The following PLXDC2 variants were observed in gnomAD, a reference collection of about 807,000 sequenced individuals.
PLXDC2 encodes the protein plexin domain containing 2, also known as plexin domain-containing protein 2.
A neutral mutation model predicts 68.9 loss-of-function variants in PLXDC2; 40 were observed. The ratio of observed to expected loss-of-function variants is 0.58; its 90% CI spans 0.45 to 0.76. The LOEUF is 0.76. Among genes scored for constraint, PLXDC2 ranks in the 30% least tolerant of loss-of-function variants. PLXDC2 has a pLI of 0.00. For missense variants in PLXDC2, 644 were observed against 661.9 expected (o/e 0.97, Z 0.30); for synonymous variants, 243 against 234.2 (o/e 1.04, Z -0.34).
intron 4 of PLXDC2, among the ~76,000 whole-genome samples, chr10:20,102,049 G>T (rs760510917): frequency 6.6e-6 from 1 of 151,912 alleles, no homozygotes; most frequent in Non-Finnish European, 1.5e-5. Flanking sequence ...TGATCCTCCC[G>T]CCTCGCCTAT....
intron 1 of PLXDC2, among the ~76,000 whole-genome samples, chr10:19,828,484 G>C (rs74119750): frequency 0.01 from 1,552 of 152,310 alleles, 28 homozygotes; most frequent in African/African-American, 0.036. Context: ...TCTGAAGTCA[G>C]GCTTGGTGAT....
chr10:20,087,140 C>T (rs577479704), intron 4 of PLXDC2, among the ~76,000 whole-genome samples: 4 of 152,328 alleles, frequency 2.6e-5, no homozygotes, highest in African/African-American at 9.6e-5. Flanking sequence ...AGTTCAAATG[C>T]ATGGCCTGTC....
intron 1 of PLXDC2, among the ~76,000 whole-genome samples, chr10:19,862,494 TA>T (rs1197911659): frequency 2.0e-5 from 3 of 152,196 alleles, no homozygotes; most frequent in African/African-American, 7.2e-5. Context: ...AGCGTTACAA[TA>T]AGATAACAGA....
At chr10:20,146,208 CAT>C (rs1834075000) in intron 5 of PLXDC2, among the ~76,000 whole-genome samples, 1 of 152,046 alleles carries the variant, frequency 6.6e-6, no homozygotes, top group East Asian at 1.9e-4. Flanking sequence ...GGGTTGTAGA[CAT>C]GTGTGAAGGA....
intron 2 of PLXDC2, among the ~76,000 whole-genome samples, chr10:20,029,592 T>G (rs1835465467): frequency 6.6e-6 from 1 of 152,114 alleles, no homozygotes; most frequent in African/African-American, 2.4e-5. Flanking sequence ...AAATAAAAAA[T>G]AAATAAATAA....
chr10:20,136,275 A>G (rs1007431693), intron 4 of PLXDC2, among the ~76,000 whole-genome samples: 2 of 152,240 alleles, frequency 1.3e-5, no homozygotes, highest in Non-Finnish European at 2.9e-5. Context: ...AGACAGTTAC[A>G]TTACCAAATA....
chr10:19,891,595 C>T (rs1477024217), intron 1 of PLXDC2, among the ~76,000 whole-genome samples: 1 of 152,200 alleles, frequency 6.6e-6, no homozygotes, highest in Admixed American at 6.5e-5. Flanking sequence ...TCTGCCTCCT[C>T]CTTAAAAGCT....
chr10:19,925,620 C>T (rs747828674), intron 1 of PLXDC2, among the ~76,000 whole-genome samples: 6 of 152,090 alleles, frequency 3.9e-5, no homozygotes, highest in Non-Finnish European at 8.8e-5. Flanking sequence ...CTATTGTTCT[C>T]ATATTGTGGG....
intron 13 of PLXDC2, among the ~76,000 whole-genome samples, chr10:20,279,227 C>G (rs995146935): frequency 1.3e-5 from 2 of 152,014 alleles, no homozygotes; most frequent in Non-Finnish European, 2.9e-5. Flanking sequence ...AGTCTGGTGC[C>G]TAATTGAAAA....
At chr10:20,239,217 AG>A (rs1419923254) in intron 12 of PLXDC2, among the ~76,000 whole-genome samples, 12 of 152,300 alleles carry the variant, frequency 7.9e-5, no homozygotes, top group South Asian at 2.1e-4. Context: ...CATGAGTGAA[AG>A]CTCATAAGAT....
chr10:19,980,703 G>A (rs1564646425), intron 1 of PLXDC2, among the ~76,000 whole-genome samples: 1 of 152,188 alleles, frequency 6.6e-6, no homozygotes, highest in Admixed American at 6.5e-5. Flanking sequence ...GAGAGAACAC[G>A]TGCGATCTGG....
chr10:19,920,663 T>G (rs1272210624), intron 1 of PLXDC2, among the ~76,000 whole-genome samples: 2 of 151,992 alleles, frequency 1.3e-5, no homozygotes, highest in Non-Finnish European at 2.9e-5. Context: ...ACTCAAACAA[T>G]CCTCCCACCT....
At chr10:20,172,709 AG>A (rs1340493574) in intron 7 of PLXDC2, among the ~76,000 whole-genome samples, 1 of 152,172 alleles carries the variant, frequency 6.6e-6, no homozygotes, top group African/African-American at 2.4e-5. Context: ...TATACGTGAG[AG>A]AAAAATAAAT....
chr10:20,021,860 A>T (rs1835315949), intron 2 of PLXDC2, among the ~76,000 whole-genome samples: 1 of 151,804 alleles, frequency 6.6e-6, no homozygotes, highest in Non-Finnish European at 1.5e-5. Context: ...CACCAGGCCC[A>T]GCTAATTTTT....
intron 4 of PLXDC2, among the ~76,000 whole-genome samples, chr10:20,138,587 C>G (rs779147058): frequency 6.6e-6 from 1 of 152,146 alleles, no homozygotes; most frequent in South Asian, 2.1e-4. Context: ...CACCATTATT[C>G]TTTTTAAAGT....
intron 9 of PLXDC2, among the ~76,000 whole-genome samples, chr10:20,185,276 A>G (rs1408633511): frequency 6.6e-6 from 1 of 151,644 alleles, no homozygotes; most frequent in Non-Finnish European, 1.5e-5. Flanking sequence ...CCATTCTGAC[A>G]TTGCAGGAAA....
intron 4 of PLXDC2, among the ~76,000 whole-genome samples, chr10:20,125,024 C>A (rs1386264934): frequency 1.3e-5 from 2 of 152,116 alleles, no homozygotes; most frequent in South Asian, 2.1e-4. Flanking sequence ...TTCTTAATTG[C>A]TTATAAATAT....
chr10:20,174,927 T>A (rs1834506179), intron 7 of PLXDC2, among the ~76,000 whole-genome samples: 1 of 152,104 alleles, frequency 6.6e-6, no homozygotes, highest in Non-Finnish European at 1.5e-5. Context: ...TAACTCACTA[T>A]CATCTGGGCC....
At chr10:20,140,896 C>T (rs1253904770) in intron 4 of PLXDC2, among the ~76,000 whole-genome samples, 2 of 150,010 alleles carry the variant, frequency 1.3e-5, no homozygotes, top group African/African-American at 2.5e-5. Flanking sequence ...GTTAAGTCTT[C>T]GTGGTGGTGG....
Sources: allele counts gnomAD v4.1 joint callset (sites outside exome capture counted in the v4.1 genomes callset), GRCh38; gene constraint gnomAD v4.1.1; transcripts MANE v1.5; gene names NCBI Gene and HGNC (gene_info 2026-07-23, HGNC 2026-07-21).